The following RBFOX1 variants were observed in gnomAD, a reference collection of about 807,000 sequenced individuals.
The protein encoded by RBFOX1 is RNA binding protein fox-1 homolog 1.
Under a neutral mutation model 57.7 loss-of-function variants are expected in RBFOX1, and 8 were observed. The observed-to-expected ratio is 0.14, with a 90% CI of 0.08 to 0.25. RBFOX1 has a LOEUF of 0.25. Among genes scored for constraint, RBFOX1 ranks in the 10% least tolerant of loss-of-function variants. RBFOX1 has a pLI of 1.00. For missense variants in RBFOX1, 611 were observed against 548.5 expected (o/e 1.11, Z -1.14); for synonymous variants, 326 against 222.4 (o/e 1.47, Z -4.15).
At chr16:6,181,940 G>A (rs375581365) in intron 1 of RBFOX1, among the ~76,000 whole-genome samples, 1 of 151,980 alleles carries the variant, frequency 6.6e-6, no homozygotes, top group African/African-American at 2.4e-5. Flanking sequence ...GGGATGCCGA[G>A]ATCATTGGCA....
At chr16:7,218,684 T>A (rs2092470003) in intron 4 of RBFOX1, among the ~76,000 whole-genome samples, 1 of 113,226 alleles carries the variant, frequency 8.8e-6, no homozygotes, top group Admixed American at 8.4e-5. Flanking sequence ...GTGTGTGTCC[T>A]TTTGTTCCTA....
At position 5,896,261 on chromosome 16, in the gene RBFOX1, C is replaced by T. The variant is rs75803526; in HGVS notation, c.351+28926C>T. The stretch of plus-strand genomic sequence containing the variant: ...TTTAGATGTTTGTCCTCCCAAACCT[C>T]ATGCTGAAAGTTGATCCTAATGTTG... On this transcript the variant is annotated intron_variant, in intron 4 of 19. Transcript: ENST00000641259. 2.3e-3 allele frequency among the ~76,000 whole-genome samples: 349 copies of T among 152,232 alleles called. 11 individuals are homozygous for T. The East Asian group carries it at 0.059, about 26-fold the overall frequency.
At chr16:6,774,028 C>G (rs2078913396) in intron 3 of RBFOX1, 1 of 982,624 alleles carries the variant, frequency 1.0e-6, no homozygotes, top group South Asian at 4.7e-5. Flanking sequence ...TCACAGTTTG[C>G]TTTTTCTACC....
At chr16:5,458,562 C>G (rs2068698278) in intron 1 of RBFOX1, among the ~76,000 whole-genome samples, 1 of 152,170 alleles carries the variant, frequency 6.6e-6, no homozygotes, top group Non-Finnish European at 1.5e-5. Context: ...AAAACTGAGC[C>G]TCAAAGGTTA....
chr16:7,406,134 C>G (rs1333640995), intron 4 of RBFOX1, among the ~76,000 whole-genome samples: 4 of 152,186 alleles, frequency 2.6e-5, no homozygotes, highest in African/African-American at 9.7e-5. Flanking sequence ...TTGCCCAAAA[C>G]ACAGAGTACA....
At chr16:6,414,566 G>A (rs2093567115) in intron 2 of RBFOX1, among the ~76,000 whole-genome samples, 1 of 152,156 alleles carries the variant, frequency 6.6e-6, no homozygotes, top group African/African-American at 2.4e-5. Flanking sequence ...ATAAAGTACT[G>A]TGTAAGTTCG....
chr16:5,342,299 C>G (rs2065049315), intron 1 of RBFOX1, among the ~76,000 whole-genome samples: 1 of 152,152 alleles, frequency 6.6e-6, no homozygotes, highest in South Asian at 2.1e-4. Context: ...TTGAACCCAT[C>G]ATTGTACAAG....
At chr16:7,615,257 T>C (rs1269890515) in intron 10 of RBFOX1, among the ~76,000 whole-genome samples, 2 of 152,028 alleles carry the variant, frequency 1.3e-5, no homozygotes, top group Non-Finnish European at 2.9e-5. Flanking sequence ...GGCGTGAACC[T>C]GGGAGGCGGA....
intron 2 of RBFOX1, among the ~76,000 whole-genome samples, chr16:6,497,806 C>G (rs1030436125): frequency 6.6e-6 from 1 of 152,080 alleles, no homozygotes; most frequent in Non-Finnish European, 1.5e-5. Flanking sequence ...ATCCACCCAT[C>G]TCAGCCTCCC....
Position 5,689,352 on chromosome 16 carries a change from G to T in RBFOX1, c.318+90391G>T, listed in dbSNP as rs549196571. On this transcript the variant is annotated intron_variant, in intron 3 of 19. Coordinates refer to the RBFOX1 transcript ENST00000641259. The stretch of plus-strand genomic sequence containing the variant: ...CAGAGTTAGATAACATATATGCAGG[G>T]CATAGTACAGTGCCTGGGTTACAGG... Among the ~76,000 whole-genome samples, 26 of 152,322 alleles carry T rather than the reference G, an allele frequency of 1.7e-4. No homozygotes were observed. The South Asian group carries it at 3.9e-3, about 23-fold the overall frequency.
intron 2 of RBFOX1, among the ~76,000 whole-genome samples, chr16:6,586,268 C>T (rs111687730): frequency 6.6e-6 from 1 of 152,164 alleles, no homozygotes; most frequent in African/African-American, 2.4e-5. Flanking sequence ...CTTTGAACCA[C>T]TCGTCTTACA....
At chr16:5,888,184 C>A (rs777998233) in intron 4 of RBFOX1, among the ~76,000 whole-genome samples, 1 of 152,140 alleles carries the variant, frequency 6.6e-6, no homozygotes, top group African/African-American at 2.4e-5. Flanking sequence ...CCTGCCCCAG[C>A]GCCTTTGCAG....
At chr16:7,358,247 A>G (rs534109799) in intron 4 of RBFOX1, among the ~76,000 whole-genome samples, 1 of 152,372 alleles carries the variant, frequency 6.6e-6, no homozygotes, top group South Asian at 2.1e-4. Context: ...CCTCTGCTGC[A>G]AATAAACCGT....
chr16:7,009,393 T>C (rs1284242550), intron 3 of RBFOX1, among the ~76,000 whole-genome samples: 2 of 151,340 alleles, frequency 1.3e-5, no homozygotes, highest in African/African-American at 2.4e-5. Flanking sequence ...ATGAAAAAAA[T>C]GTCTCGCCAC....
chr16:7,442,336 C>A (rs1046498487), intron 4 of RBFOX1, among the ~76,000 whole-genome samples: 1 of 152,134 alleles, frequency 6.6e-6, no homozygotes, highest in Admixed American at 6.5e-5. Flanking sequence ...GCACAGCCTT[C>A]CTTAGGCACA....
At chr16:6,951,283 G>C (rs1376902254) in intron 3 of RBFOX1, among the ~76,000 whole-genome samples, 1 of 152,076 alleles carries the variant, frequency 6.6e-6, no homozygotes, top group Admixed American at 6.5e-5. Flanking sequence ...TCTTCTGAGG[G>C]GTCAGTTTCA....
At chr16:5,878,451 G>A (rs79282103) in intron 4 of RBFOX1, among the ~76,000 whole-genome samples, 3,612 of 152,298 alleles carry the variant, frequency 0.024, 89 homozygotes, top group East Asian at 0.099. Flanking sequence ...CATATGGCTA[G>A]TAGGCAAAGT....
intron 1 of RBFOX1, among the ~76,000 whole-genome samples, chr16:5,443,627 A>G (rs1018119053): frequency 2.0e-5 from 3 of 152,292 alleles, no homozygotes; most frequent in Admixed American, 2.0e-4. Context: ...GGCTTGAGCC[A>G]CCACACCTGG....
chr16:6,826,480 C>T (rs1016309831), intron 3 of RBFOX1, among the ~76,000 whole-genome samples: 5 of 152,094 alleles, frequency 3.3e-5, no homozygotes, highest in African/African-American at 9.7e-5. Context: ...GAGAAAATAA[C>T]CTAGAACAGT....
Sources: allele counts gnomAD v4.1 joint callset (sites outside exome capture counted in the v4.1 genomes callset), GRCh38; gene constraint gnomAD v4.1.1; transcripts MANE v1.5; gene names NCBI Gene and HGNC (gene_info 2026-07-23, HGNC 2026-07-21).